The following ENOSF1 variants were observed in gnomAD, a reference collection of about 807,000 sequenced individuals.
ENOSF1 encodes the protein enolase superfamily member 1.
Under a neutral mutation model 68.2 loss-of-function variants are expected in ENOSF1, and 73 were observed. The observed-to-expected ratio is 1.07, with a 90% confidence interval of 0.89 to 1.30. ENOSF1 has a LOEUF of 1.30. Ranked by LOEUF, ENOSF1 falls within the 50% of genes most tolerant of loss-of-function variation. The pLI is 0.00. For synonymous variants in ENOSF1, 223 were observed against 210.4 expected, an observed-to-expected ratio of 1.06 and a Z score of -0.52; for missense variants, 589 against 554.5, an observed-to-expected ratio of 1.06 and a Z score of -0.62.
Position 671,560 on chromosome 18 carries a change from C to T in ENOSF1, c.*2745G>A, listed in dbSNP as rs2075051281. ...GTGTCCAAGATAAAGATGACTGCTC[C>T]AAATGTGGGGCTTCAGTTTAGGGAG... On this transcript the variant is annotated 3_prime_UTR_variant, in exon 16 of 16. Coordinates refer to ENST00000647584, the MANE Select transcript of ENOSF1 (RefSeq NM_017512.7). 1.3e-6 allele frequency: 1 copy of T among 781,240 alleles called. No homozygotes were observed. The highest frequency in any genetic ancestry group is 1.5e-5 in the South Asian group (1 of 67,618). The allele number at this position is 781,240 out of a possible 1,614,324, so 48.4% of individuals were successfully genotyped here.
At chr18:675,543 C>A in intron 14 of ENOSF1, 141 bp from the exon 15 acceptor site, 1 of 718,174 alleles carries the variant, frequency 1.4e-6, no homozygotes. Flanking sequence ...CGTTTCTAGG[C>A]AAGTCCCTAA....
In ENOSF1 at chr18:685,926, T is replaced by A; in HGVS notation, c.736A>T (p.Thr246Ser). 6.2e-7 allele frequency: 1 copy of A among 1,613,310 alleles called. No homozygotes were observed. Among genetic ancestry groups the A allele is most frequent in the South Asian group, 1.1e-5 (1 of 91,062 alleles). ...TGGTGTGAGAGGATATTTACCAAAG[T>A]CTTTTCCGGTCCAATCATGTCTCGG... ...IIRDMIGPEK[T>S]LMMDANQRWD... Residue 246 changes from threonine (T) to serine (S), a missense_variant, in exon 10 of 16, where the codon ACT (threonine) becomes TCT (serine). Coordinates refer to ENST00000647584, the MANE Select transcript of ENOSF1 (RefSeq NM_017512.7).
intron 7 of ENOSF1, 81 bp downstream of exon 7, chr18:690,985 CAA>C: frequency 4.1e-6 from 6 of 1,473,722 alleles, no homozygotes; most frequent in Non-Finnish European, 5.7e-6. Flanking sequence ...TTTGGGAAGA[CAA>C]TGTGTACCCC....
At chr18:683,574 C>T (rs975770592) in intron 10 of ENOSF1, among the ~76,000 whole-genome samples, 194 bp from the exon 11 acceptor site, 5 of 152,090 alleles carry the variant, frequency 3.3e-5, no homozygotes, top group African/African-American at 1.2e-4. Context: ...GGGACTCTGG[C>T]TCCAGGTACA....
At chr18:683,531 A>G in intron 10 of ENOSF1, 151 bp from the exon 11 acceptor site, 1 of 816,090 alleles carries the variant, frequency 1.2e-6, no homozygotes. Flanking sequence ...ACACGGCCCT[A>G]ACAAAAAGAG....
At chr18:689,059 C>T (rs1408114749) in intron 8 of ENOSF1, among the ~76,000 whole-genome samples, 1 of 152,138 alleles carries the variant, frequency 6.6e-6, no homozygotes, top group African/African-American at 2.4e-5. Context: ...CATGACGCAA[C>T]TTACAGCATG....
rs779458067 is a variant in ENOSF1 at position 671,931 on chromosome 18, C to T, written c.*2374G>A. The stretch of plus-strand genomic sequence containing the variant: ...GGTAGCTGGGATTACAGGCACATGC[C>T]ACCACACCCAGCTAATTTTTGTATT... On this transcript the variant is annotated 3_prime_UTR_variant, in exon 16 of 16. Transcript: ENST00000647584. 1.8e-4 allele frequency: 30 copies of T among 164,336 alleles called. No individual in the cohort carries two copies. Among genetic ancestry groups the T allele is most frequent in the Non-Finnish European group, 3.4e-4 (26 of 76,862 alleles). The allele number at this position is 164,336 out of a possible 1,614,324, so 10.2% of individuals were successfully genotyped here. A position where few individuals can be genotyped will look rare whatever the true frequency, so the allele number is the denominator to read the frequency against.
In ENOSF1 at chr18:677,393, T is replaced by C; in HGVS notation, c.1100A>G (p.His367Arg). Residue 367 changes from histidine (H) to arginine (R), a missense_variant, in exon 14 of 16, where the codon CAC becomes CGC. Transcript: ENST00000647584. Reference protein sequence around the residue: ...GGVGLCELVQHLIIFDYISVS... With the variant: ...GGVGLCELVQRLIIFDYISVS... ...TGATATGTAGTCAAATATAATCAGG[T>C]GCTGCACCAGTTCACAGAGGCCAAC... 1.9e-6 allele frequency: 3 copies of C among 1,613,824 alleles called. No homozygotes were observed. The highest frequency in any genetic ancestry group is 2.5e-6 in the Non-Finnish European group (3 of 1,179,982).
chr18:674,080 G>C lies in ENOSF1; in HGVS notation c.*225C>G, dbSNP rs927976571. ...TTGTAAGAACATCCTCCTGGACTTT[G>C]GGTTAGTTAAATCTAAACTTATTTA... On this transcript the variant is annotated 3_prime_UTR_variant, in exon 16 of 16. Transcript: ENST00000647584. 2.5e-6 allele frequency: 1 copy of C among 402,802 alleles called. No homozygotes were observed. The highest frequency in any genetic ancestry group is 2.1e-5 in the African/African-American group (1 of 47,732). 25.0% of individuals were successfully genotyped at this position (402,802 alleles called of 1,614,324 possible).
At chr18:683,417 G>T (rs946228047) in intron 10 of ENOSF1, 37 bp from the exon 11 acceptor site, 2 of 1,610,230 alleles carry the variant, frequency 1.2e-6, no homozygotes, top group African/African-American at 2.7e-5. Context: ...GGTCAGCCCT[G>T]AGCCAACCTC....
chr18:696,148 T>A (rs932500709), intron 3 of ENOSF1, among the ~76,000 whole-genome samples: 1 of 151,874 alleles, frequency 6.6e-6, no homozygotes, highest in Non-Finnish European at 1.5e-5. Flanking sequence ...TCCATCTTTT[T>A]AAATTTGCTC....
At chr18:677,951 A>G (rs2075682409) in intron 12 of ENOSF1, 79 bp from the exon 13 acceptor site, 3 of 1,484,524 alleles carry the variant, frequency 2.0e-6, no homozygotes, top group Non-Finnish European at 9.0e-7. Flanking sequence ...CAACGCAGCC[A>G]CTCTATGCCA....
In ENOSF1 at chr18:688,530, C is replaced by T. The variant is rs377458314; in HGVS notation, c.653+44G>A. ...CAGGAGAGACTTACTGCCTGAGTCTCTCCTGCCGCCAACTGGGAAAGTCAG... is the reference window on the plus strand; with the variant it reads ...CAGGAGAGACTTACTGCCTGAGTCTTTCCTGCCGCCAACTGGGAAAGTCAG... On this transcript the variant is annotated intron_variant, in intron 9 of 15. Coordinates refer to ENST00000647584, the MANE Select transcript of ENOSF1 (RefSeq NM_017512.7). 1.2e-4 allele frequency: 198 copies of T among 1,613,716 alleles called. No homozygotes were observed. In the Middle Eastern group the frequency reaches 1.7e-3, roughly 13 times the overall value.
At chr18:702,566 C>G (rs1242960099) in intron 2 of ENOSF1, among the ~76,000 whole-genome samples, 1 of 151,996 alleles carries the variant, frequency 6.6e-6, no homozygotes, top group East Asian at 1.9e-4. Flanking sequence ...CAGAGCGAGA[C>G]TCTGTCTCTC....
intron 1 of ENOSF1, 102 bp from the exon 2 acceptor site, chr18:706,680 G>A (rs1029038862): frequency 9.2e-5 from 75 of 816,316 alleles, no homozygotes; most frequent in East Asian, 7.2e-4. Flanking sequence ...CACAGGGGCC[G>A]TGCCACAAGA....
At chr18:703,910 TG>T (rs967270734) in intron 2 of ENOSF1, among the ~76,000 whole-genome samples, 6 of 152,146 alleles carry the variant, frequency 3.9e-5, no homozygotes, top group African/African-American at 1.4e-4. Context: ...TCGTGAGATC[TG>T]GTGACTTAAA....
At chr18:699,644 G>A (rs1159941158) in intron 2 of ENOSF1, among the ~76,000 whole-genome samples, 1 of 152,200 alleles carries the variant, frequency 6.6e-6, no homozygotes, top group African/African-American at 2.4e-5. Context: ...TAGCTTCAAA[G>A]AAAGGAATGT....
Position 672,931 on chromosome 18 carries a change from A to C in ENOSF1, c.*1374T>G. 1 of 1,598,532 alleles carries C rather than the reference A, an allele frequency of 6.3e-7. No individual in the cohort carries two copies. Among genetic ancestry groups the C allele is most frequent in the South Asian group, 1.1e-5 (1 of 89,730 alleles). Reference sequence around the variant, plus strand: ...AAGTTGAGAAAATTGATGACTTCAAAGCTGAAGACTTTCAGATTGAAGGGT... The same window carrying C: ...AAGTTGAGAAAATTGATGACTTCAACGCTGAAGACTTTCAGATTGAAGGGT... On this transcript the variant is annotated 3_prime_UTR_variant, in exon 16 of 16. Transcript: ENST00000647584.
At chr18:701,256 G>A (rs1430134808) in intron 2 of ENOSF1, among the ~76,000 whole-genome samples, 2 of 152,084 alleles carry the variant, frequency 1.3e-5, no homozygotes, top group Non-Finnish European at 2.9e-5. Context: ...AAACCTAAGA[G>A]TGACCCCTAT....
Sources: allele counts gnomAD v4.1 joint callset (sites outside exome capture counted in the v4.1 genomes callset), GRCh38; gene constraint gnomAD v4.1.1; transcripts MANE v1.5; gene names NCBI Gene and HGNC (gene_info 2026-07-23, HGNC 2026-07-21).